AVPR1B: variants seen among roughly 807,000 people sequenced by gnomAD.
AVPR1B encodes arginine vasopressin receptor 1B.
A neutral mutation model predicts 27.5 loss-of-function variants in AVPR1B; 25 were observed. The observed-to-expected ratio is 0.91, with a 90% CI of 0.66 to 1.27. The LOEUF is 1.27. AVPR1B is among the 50% of genes most tolerant of loss of function. The pLI, the probability that AVPR1B is intolerant of heterozygous loss-of-function variation, is 0.00. For synonymous variants in AVPR1B, 248 were observed against 240.2 expected, an observed-to-expected ratio of 1.03 and a Z score of -0.30; for missense variants, 595 against 556.9, an observed-to-expected ratio of 1.07 and a Z score of -0.69.
Position 206,108,530 on chromosome 1 carries a change from G to A in AVPR1B, c.*1659C>T, listed in dbSNP as rs1191297882. 6.6e-6 allele frequency among the ~76,000 whole-genome samples: 1 copy of A among 152,234 alleles called. No homozygotes were observed. The highest frequency in any genetic ancestry group is 1.5e-5 in the Non-Finnish European group (1 of 68,032). On this transcript the variant is annotated 3_prime_UTR_variant, in exon 2 of 2. Transcript: ENST00000367126. Reference sequence around the variant, plus strand: ...GTAGAGACTGAAAGTGTTCCCTAGAGCTTCCCTCAGGAGCTCTTAATTAGA... The same window carrying A: ...GTAGAGACTGAAAGTGTTCCCTAGAACTTCCCTCAGGAGCTCTTAATTAGA...
In AVPR1B at chr1:206,110,367, C is replaced by A. The variant is rs1274139020; in HGVS notation, c.1097G>T (p.Arg366Leu). 2 of 1,609,960 alleles carry A rather than the reference C, an allele frequency of 1.2e-6. No homozygotes were observed. The highest frequency in any genetic ancestry group is 1.3e-5 in the African/African-American group (1 of 74,864). The change falls in exon 2 of 2, where the codon CGG (arginine) becomes CTG (leucine). Residue 366 changes from arginine to leucine, a missense_variant. By Grantham distance (102) the Arg-to-Leu change is moderately radical. Transcript: ENST00000367126. ...GCTCGAGAGGCTGCCGTCGGAGAGC[C>A]GCCGGCGCATCCTGGGCTGGGGACC... ...CGGPQPRMRR[R>L]LSDGSLSSRH...
At chr1:206,114,898 G>C (rs1418561198) in intron 1 of AVPR1B, among the ~76,000 whole-genome samples, 1 of 152,144 alleles carries the variant, frequency 6.6e-6, no homozygotes, top group African/African-American at 2.4e-5. Context: ...ATAAAGAGGA[G>C]GGTGAGCAAG....
rs1663473022 is a variant in AVPR1B at position 206,116,447 on chromosome 1, C to G, written c.444G>C (p.Gln148His). 1.2e-6 allele frequency: 2 copies of G among 1,613,780 alleles called. No individual in the cohort carries two copies. Among genetic ancestry groups the G allele is most frequent in the African/African-American group, 2.7e-5 (2 of 74,936 alleles). Reference sequence around the variant, plus strand: ...GAGCAGCGATGAGCAGGTAGGTGGACTGGCCTGGCTGCTGGAGGCTGCGCA... The same window carrying G: ...GAGCAGCGATGAGCAGGTAGGTGGAGTGGCCTGGCTGCTGGAGGCTGCGCA... ...HPLRSLQQPG[Q>H]STYLLIAAPW... The change falls in exon 1 of 2, where the codon CAG becomes CAC. Residue 148 changes from glutamine (Q) to histidine (H), a missense_variant. Coordinates refer to ENST00000367126, the MANE Select transcript of AVPR1B (RefSeq NM_000707.5).
Position 206,116,879 on chromosome 1 carries a change from C to T in AVPR1B, c.12G>A (p.Gly4=), listed in dbSNP as rs112003316. The T allele has an allele frequency of 6.2e-6, 10 of 1,609,666 alleles. No individual in the cohort carries two copies. The African/African-American group carries it at 6.7e-5, about 11-fold the overall frequency. ...GGGTGGGGTTGGCATCCCACAGAGGCCCAGAATCCATGAGCAAGGTTTGCT... is the reference window on the plus strand; with the variant it reads ...GGGTGGGGTTGGCATCCCACAGAGGTCCAGAATCCATGAGCAAGGTTTGCT... MDS[G]PLWDANPTPR... is the part of the protein sequence containing the mutation. The change falls in exon 1 of 2, where the codon GGG becomes GGA. Residue 4 remains glycine (G), a synonymous_variant. Coordinates refer to ENST00000367126, the MANE Select transcript of AVPR1B (RefSeq NM_000707.5).
At position 206,116,563 on chromosome 1, in the gene AVPR1B, C is replaced by T. The variant is rs782387532; in HGVS notation, c.328G>A (p.Val110Ile). 2.2e-5 allele frequency: 35 copies of T among 1,614,108 alleles called. No individual in the cohort carries two copies. The East Asian group carries it at 5.6e-4, about 26-fold the overall frequency. Residue 110 changes from valine (V) to isoleucine (I), a missense_variant, in exon 1 of 2, where the codon GTC becomes ATC. Val to Ile is a conservative substitution (Grantham distance 29). Transcript: ENST00000367126. ...FQGPDLLCRAVKYLQVLSMFA... is the reference protein window; with the variant it reads ...FQGPDLLCRAIKYLQVLSMFA... ...ATGCTGAGCACCTGCAGGTACTTGACGGCCCTGCACAGGAGGTCGGGGCCC... is the reference window on the plus strand; with the variant it reads ...ATGCTGAGCACCTGCAGGTACTTGATGGCCCTGCACAGGAGGTCGGGGCCC...
At position 206,110,308 on chromosome 1, in the gene AVPR1B, G is replaced by C. The variant is rs1367531655; in HGVS notation, c.1156C>G (p.Pro386Ala). The C allele has an allele frequency of 6.2e-7, 1 of 1,613,690 alleles. No individual in the cohort carries two copies. The change falls in exon 2 of 2, where the codon CCG (proline) becomes GCG (alanine). Residue 386 changes from proline (P) to alanine (A), a missense_variant. By Grantham distance (27) the Pro-to-Ala change is conservative. Transcript: ENST00000367126. ...HTTLLTRSSC[P>A]ATLSLSLSLT... ...CTGAGGCTGAGGCTGAGGGTGGCCG[G>C]GCAGCTGGAGCGGGTCAGCAGCGTG...
intron 1 of AVPR1B, among the ~76,000 whole-genome samples, chr1:206,115,459 C>T (rs940107575): frequency 6.6e-6 from 1 of 152,168 alleles, no homozygotes; most frequent in Non-Finnish European, 1.5e-5. Flanking sequence ...CCTCTGTTTC[C>T]TCATTAGTAA....
chr1:206,115,446 G>C (rs1297810040), intron 1 of AVPR1B, among the ~76,000 whole-genome samples: 1 of 152,180 alleles, frequency 6.6e-6, no homozygotes, highest in Non-Finnish European at 1.5e-5. Context: ...GTTCCTCTCT[G>C]AGCCTCTGTT....
In AVPR1B at chr1:206,109,193, G is replaced by T. The variant is rs536541806; in HGVS notation, c.*996C>A. ...GAAGGCAGAGCTGAGATTCAAACCCGGGCTCCTAACTGGATCACAGCATCC... is the reference window on the plus strand; with the variant it reads ...GAAGGCAGAGCTGAGATTCAAACCCTGGCTCCTAACTGGATCACAGCATCC... On this transcript the variant is annotated 3_prime_UTR_variant, in exon 2 of 2. Transcript: ENST00000367126. Among the ~76,000 whole-genome samples the T allele has an allele frequency of 6.6e-6, 1 of 152,112 alleles. No individual in the cohort carries two copies. Among genetic ancestry groups the T allele is most frequent in the African/African-American group, 2.4e-5 (1 of 41,420 alleles).
chr1:206,116,182 A>G lies in AVPR1B; in HGVS notation c.709T>C (p.Trp237Arg), dbSNP rs1056143138. 5.6e-6 allele frequency: 8 copies of G among 1,440,502 alleles called. No individual in the cohort carries two copies. In the South Asian group the frequency reaches 9.0e-5, roughly 16 times the overall value. The allele number at this position is 1,440,502 out of a possible 1,614,324, so 89.2% of individuals were successfully genotyped here. Residue 237 changes from tryptophan (W) to arginine (R), a missense_variant, in exon 1 of 2, where the codon TGG (tryptophan) becomes CGG (arginine). Coordinates refer to ENST00000367126, the MANE Select transcript of AVPR1B (RefSeq NM_000707.5). Reference protein sequence around the residue: ...CKNLKVKTQAWRVGGGGWRTW... With the variant: ...CKNLKVKTQARRVGGGGWRTW... The stretch of plus-strand genomic sequence containing the variant: ...CTCCAGCCCCCTCCTCCCACCCGCC[A>G]GGCCTGTGTCTTGACTTTTAGGTTT...
At chr1:206,115,897 C>T (rs1663457680) in intron 1 of AVPR1B, 54 bp downstream of exon 1, 2 of 1,524,948 alleles carry the variant, frequency 1.3e-6, no homozygotes, top group South Asian at 1.3e-5. Context: ...CCTAATCCCC[C>T]ATCCTCTCTT....
Position 206,116,766 on chromosome 1 carries a change from G to T in AVPR1B, c.125C>A (p.Ala42Asp). ...ELAKVEIGVLATVLVLATGGN... is the reference protein window; with the variant it reads ...ELAKVEIGVLDTVLVLATGGN... ...CCCGGTCGCCAGCACCAGGACAGTG[G>T]CCAGGACTCCGATCTCCACCTTGGC... The change falls in exon 1 of 2, where the codon GCC (alanine) becomes GAC (aspartate). Residue 42 changes from alanine (A) to aspartate (D), a missense_variant. Coordinates refer to ENST00000367126, the MANE Select transcript of AVPR1B (RefSeq NM_000707.5). 1 of 1,613,296 alleles carries T rather than the reference G, an allele frequency of 6.2e-7. No individual in the cohort carries two copies. Among genetic ancestry groups the T allele is most frequent in the South Asian group, 1.1e-5 (1 of 90,924 alleles).
intron 1 of AVPR1B, among the ~76,000 whole-genome samples, chr1:206,111,447 G>A (rs1203658539): frequency 6.6e-6 from 1 of 152,204 alleles, no homozygotes; most frequent in Non-Finnish European, 1.5e-5. Context: ...CATGGCATAG[G>A]TGGCATACTG....
chr1:206,107,402 C>T lies in AVPR1B; in HGVS notation c.*2787G>A, dbSNP rs560710024. On this transcript the variant is annotated 3_prime_UTR_variant, in exon 2 of 2. Transcript: ENST00000367126. ...CCCTATCCAAGGCCCTTCCACTGGC[C>T]CAGACTGTCCAGGCGAGCCTCCTAC... Among the ~76,000 whole-genome samples, 1 of 152,246 alleles carries T rather than the reference C, an allele frequency of 6.6e-6. No homozygotes were observed. Among genetic ancestry groups the T allele is most frequent in the East Asian group, 1.9e-4 (1 of 5,168 alleles).
At position 206,110,374 on chromosome 1, in the gene AVPR1B, G is replaced by A. The variant is rs782377728; in HGVS notation, c.1090C>T (p.Arg364Cys). 47 of 1,610,602 alleles carry A rather than the reference G, an allele frequency of 2.9e-5. No individual in the cohort carries two copies. The highest frequency in any genetic ancestry group is 1.6e-4 in the Middle Eastern group (1 of 6,072). The change falls in exon 2 of 2, where the codon CGC becomes TGC. Residue 364 changes from arginine to cysteine, a missense_variant. Physicochemically the swap from Arg to Cys is radical, Grantham distance 180. Transcript: ENST00000367126. ...AGGCTGCCGTCGGAGAGCCGCCGGC[G>A]CATCCTGGGCTGGGGACCCCCACAG... ...ACCGGPQPRM[R>C]RRLSDGSLSS... is the part of the protein sequence containing the mutation.
chr1:206,111,925 G>A (rs1346442720), intron 1 of AVPR1B, among the ~76,000 whole-genome samples: 11 of 152,220 alleles, frequency 7.2e-5, no homozygotes, highest in African/African-American at 2.4e-4. Flanking sequence ...TGGGCGCAGT[G>A]GCTTACGCCC....
In AVPR1B at chr1:206,110,462, G is replaced by T; in HGVS notation, c.1002C>A (p.Asn334Lys). The change falls in exon 2 of 2, where the codon AAC (asparagine) becomes AAA (lysine). Residue 334 changes from asparagine to lysine, a missense_variant. By Grantham distance (94) the Asn-to-Lys change is moderately conservative. Coordinates refer to ENST00000367126, the MANE Select transcript of AVPR1B (RefSeq NM_000707.5). ...MLLGNLNSCC[N>K]PWIYMGFNSH... The stretch of plus-strand genomic sequence containing the variant: ...TGTTGAAGCCCATGTAGATCCAGGG[G>T]TTGCAGCAGCTGTTGAGGTTGCCCA... 2 of 1,614,056 alleles carry T rather than the reference G, an allele frequency of 1.2e-6. No homozygotes were observed. Among genetic ancestry groups the T allele is most frequent in the South Asian group, 1.1e-5 (1 of 91,060 alleles).
At chr1:206,112,563 C>T (rs1304040403) in intron 1 of AVPR1B, among the ~76,000 whole-genome samples, 1 of 152,150 alleles carries the variant, frequency 6.6e-6, no homozygotes, top group African/African-American at 2.4e-5. Context: ...CTCACTGCAG[C>T]CCTGACCTCC....
rs1553289327 is a variant in AVPR1B at position 206,109,088 on chromosome 1, A to G, written c.*1101T>C. Among the ~76,000 whole-genome samples, 4 of 152,228 alleles carry G rather than the reference A, an allele frequency of 2.6e-5. No homozygotes were observed. The highest frequency in any genetic ancestry group is 5.9e-5 in the Non-Finnish European group (4 of 68,030). The stretch of plus-strand genomic sequence containing the variant: ...AGAGTCATGGAAGGTTGGAGTTTAG[A>G]GATCATCTCACCTATTACACAGGTG... On this transcript the variant is annotated 3_prime_UTR_variant, in exon 2 of 2. Transcript: ENST00000367126.
Sources: gnomAD v4.1 joint callset for allele counts (sites outside exome capture counted in the v4.1 genomes callset) on GRCh38, gnomAD v4.1.1 for gene constraint, MANE v1.5 for transcripts, NCBI Gene and HGNC (gene_info 2026-07-23, HGNC 2026-07-21) for gene names.